The following ABHD12B variants were observed in gnomAD, a reference collection of about 807,000 sequenced individuals.
The protein encoded by ABHD12B is abhydrolase domain containing 12B, also known as protein ABHD12B.
A neutral mutation model predicts 50.4 loss-of-function variants in ABHD12B; 42 were observed. The observed-to-expected ratio is 0.83, with a 90% CI of 0.65 to 1.08. ABHD12B has a LOEUF of 1.08. Ranked by LOEUF, ABHD12B falls within the 50% of genes least tolerant of loss-of-function variation. The pLI is 0.00. For missense variants in ABHD12B, 479 were observed against 447.7 expected, an observed-to-expected ratio of 1.07 and a Z score of -0.63; for synonymous variants, 167 against 160.3, an observed-to-expected ratio of 1.04 and a Z score of -0.32.
chr14:50,878,623 T>G, intron 2 of ABHD12B, 122 bp from the exon 3 acceptor site: 3 of 745,538 alleles, frequency 4.0e-6, no homozygotes, highest in Non-Finnish European at 6.6e-6. Context: ...CTGCTAGGAG[T>G]TTAGTGTAGT....
intron 11 of ABHD12B, among the ~76,000 whole-genome samples, chr14:50,903,821 A>G (rs17123107): frequency 0.21 from 32,035 of 152,062 alleles, 3,843 homozygotes; most frequent in East Asian, 0.46. Context: ...TGGGTCCATA[A>G]CAATTCCTTG....
rs1399587707 is a variant in ABHD12B, at chr14:50,885,508, T to C, written c.487-106T>C. ...TACTAATGAACAAGTTAAAATTACCTTTGAAAGAGCCCTCCTTGTGATGTG... is the reference window on the plus strand; with the variant it reads ...TACTAATGAACAAGTTAAAATTACCCTTGAAAGAGCCCTCCTTGTGATGTG... On this transcript the variant is annotated intron_variant, in intron 5 of 12. Transcript: ENST00000337334. 3.0e-6 allele frequency: 4 copies of C among 1,326,570 alleles called. No individual in the cohort carries two copies. In the Admixed American group the frequency reaches 7.4e-5, roughly 24 times the overall value. The allele number at this position is 1,326,570 out of a possible 1,614,324, so 82.2% of individuals were successfully genotyped here.
chr14:50,879,757 C>G (rs1412153347), intron 3 of ABHD12B, among the ~76,000 whole-genome samples: 1 of 152,202 alleles, frequency 6.6e-6, no homozygotes, highest in Non-Finnish European at 1.5e-5. Context: ...GCTATCTCAT[C>G]AAGATCAGCT....
At position 50,882,341 on chromosome 14, in the gene ABHD12B, A is replaced by G. The variant is rs375863889; in HGVS notation, c.486+715A>G. Among the ~76,000 whole-genome samples the G allele has an allele frequency of 2.1e-4, 29 of 136,598 alleles. No homozygotes were observed. The East Asian group carries it at 6.6e-3, about 31-fold the overall frequency. The allele number at this position is 136,598 out of a possible 152,430, so 89.6% of individuals were successfully genotyped here. A position where few individuals can be genotyped will look rare whatever the true frequency, so the allele number is the denominator to read the frequency against. On this transcript the variant is annotated intron_variant, in intron 5 of 12. Transcript: ENST00000337334. Reference sequence around the variant, plus strand: ...AAAAGAATCAACCTTTTTAATTTCTAGTGGTTATAGGCTAAAGACACAGAA... The same window carrying G: ...AAAAGAATCAACCTTTTTAATTTCTGGTGGTTATAGGCTAAAGACACAGAA...
At chr14:50,882,427 AGTGCAGTGGTGCTATCTCGGCTCACTG>A (rs1297503872) in intron 5 of ABHD12B, among the ~76,000 whole-genome samples, 29 of 111,916 alleles carry the variant, frequency 2.6e-4, no homozygotes, top group African/African-American at 8.9e-4. Context: ...CCCAGGCTGG[AGTGCAGTGGTGCTATCTCGGCTCACTG>A]CAAACTCCGC....
rs140167439 is a variant in ABHD12B, at chr14:50,901,866, T to C, written c.818T>C (p.Met273Thr). 1,315 of 1,594,728 alleles carry C rather than the reference T, an allele frequency of 8.2e-4. 1 individual carries two copies. Among genetic ancestry groups the C allele is most frequent in the Non-Finnish European group, 1.1e-3 (1,258 of 1,174,958 alleles). Residue 273 changes from methionine (M) to threonine (T), a missense_variant, in exon 10 of 13, where the codon ATG becomes ACG. Coordinates refer to ENST00000337334, the MANE Select transcript of ABHD12B (RefSeq NM_001206673.2). ...ATTCCAGGATTTTTACGTACACTTATGGATGCCCTGAGAAAAGACAAAATA... is the reference window on the plus strand; with the variant it reads ...ATTCCAGGATTTTTACGTACACTTACGGATGCCCTGAGAAAAGACAAAATA... ...RNIPGFLRTL[M>T]DALRKDKIIF...
chr14:50,892,590 T>G, intron 9 of ABHD12B: 1 of 985,350 alleles, frequency 1.0e-6, no homozygotes, highest in Non-Finnish European at 1.2e-6. Context: ...GTCAGTCTTT[T>G]CAAAGAACCA....
intron 8 of ABHD12B, among the ~76,000 whole-genome samples, chr14:50,888,415 G>A (rs1385297864): frequency 6.6e-6 from 1 of 152,060 alleles, no homozygotes; most frequent in East Asian, 1.9e-4. Flanking sequence ...TGTTGGCCAG[G>A]ATGGTCTCCA....
chr14:50,894,582 C>A (rs192491676), intron 9 of ABHD12B, among the ~76,000 whole-genome samples: 3 of 152,010 alleles, frequency 2.0e-5, no homozygotes, highest in Non-Finnish European at 4.4e-5. Flanking sequence ...CAATACAAAC[C>A]GACAGTAGTT....
chr14:50,878,764 G>A lies in ABHD12B; in HGVS notation c.252G>A (p.Val84=). The A allele has an allele frequency of 6.2e-7, 1 of 1,613,784 alleles. No homozygotes were observed. Among genetic ancestry groups the A allele is most frequent in the South Asian group, 1.1e-5 (1 of 91,086 alleles). The change falls in exon 3 of 13, where the codon GTG becomes GTA. Residue 84 remains valine, a synonymous_variant. Coordinates refer to ENST00000337334, the MANE Select transcript of ABHD12B (RefSeq NM_001206673.2). ...TTCCAGTCAAAGCCCCATTTCTTGT[G>A]GATTTAAAGAAACCAGAGTTAAAGA... ...YFNFFKAPFL[V]DLKKPELKIP... is the part of the protein sequence containing the mutation.
chr14:50,880,107 A>C (rs1283438003), intron 3 of ABHD12B, among the ~76,000 whole-genome samples: 1 of 152,192 alleles, frequency 6.6e-6, no homozygotes, highest in East Asian at 1.9e-4. Context: ...GCAGATGGTA[A>C]ACATCTATTA....
intron 9 of ABHD12B, among the ~76,000 whole-genome samples, chr14:50,899,884 T>C (rs1034078856): frequency 1.4e-5 from 2 of 148,048 alleles, no homozygotes; most frequent in African/African-American, 5.0e-5. Flanking sequence ...ATTGCACCAC[T>C]GCACTCCAGC....
At chr14:50,880,427 TG>T in intron 3 of ABHD12B, 24 bp from the exon 4 acceptor site, 1 of 1,571,032 alleles carries the variant, frequency 6.4e-7, no homozygotes, top group Non-Finnish European at 8.6e-7. Context: ...TTTCTACATT[TG>T]TTTAAACCTC....
chr14:50,885,399 T>C (rs1465131992), intron 5 of ABHD12B, among the ~76,000 whole-genome samples: 1 of 152,208 alleles, frequency 6.6e-6, no homozygotes, highest in Non-Finnish European at 1.5e-5. Context: ...TCAGAGTTTC[T>C]GACAGTGCAA....
intron 9 of ABHD12B, chr14:50,895,517 C>T (rs1254647918): frequency 6.6e-6 from 1 of 152,206 alleles, no homozygotes; most frequent in Non-Finnish European, 1.5e-5. Flanking sequence ...CGCGTCCCAT[C>T]TCTCTGGGAC....
intron 1 of ABHD12B, among the ~76,000 whole-genome samples, chr14:50,875,974 G>A (rs994951170): frequency 6.6e-6 from 1 of 152,198 alleles, no homozygotes; most frequent in Non-Finnish European, 1.5e-5. Flanking sequence ...GTGAGTGAGG[G>A]GAGCTTAGAA....
rs1595993571 is a variant in ABHD12B, at chr14:50,872,083, G to C, written c.-92G>C. 2 of 974,190 alleles carry C rather than the reference G, an allele frequency of 2.1e-6. No individual in the cohort carries two copies. Among genetic ancestry groups the C allele is most frequent in the East Asian group, 3.9e-5 (1 of 25,870 alleles). 60.3% of individuals were successfully genotyped at this position (974,190 alleles called of 1,614,324 possible). On this transcript the variant is annotated 5_prime_UTR_variant, in exon 1 of 13. Transcript: ENST00000337334. The stretch of plus-strand genomic sequence containing the variant: ...GCCTGACCGCGCGGAGGAGGAGGGC[G>C]GGCGCGGTGCCGCCGGGGCGGGAAG...
In ABHD12B at chr14:50,903,385, C is replaced by T; in HGVS notation, c.864-4C>T. On this transcript the variant is annotated splice_region_variant and splice_polypyrimidine_tract_variant and intron_variant, in intron 10 of 12. Coordinates refer to ENST00000337334, the MANE Select transcript of ABHD12B (RefSeq NM_001206673.2). ...CTGAATGCTTTTCTTCTACTTGTCCCTAGTGTTAAATTCCTTTCTTCTCCT... is the reference window on the plus strand; with the variant it reads ...CTGAATGCTTTTCTTCTACTTGTCCTTAGTGTTAAATTCCTTTCTTCTCCT... The T allele has an allele frequency of 6.2e-7, 1 of 1,606,766 alleles. No individual in the cohort carries two copies. The highest frequency in any genetic ancestry group is 1.1e-5 in the South Asian group (1 of 90,720).
intron 5 of ABHD12B, among the ~76,000 whole-genome samples, chr14:50,881,941 C>T (rs139689647): frequency 8.6e-6 from 1 of 116,750 alleles, no homozygotes; most frequent in South Asian, 2.5e-4. Context: ...TTTTTGTTGT[C>T]GTTGTTGTGG....
Sources: allele counts gnomAD v4.1 joint callset (sites outside exome capture counted in the v4.1 genomes callset), GRCh38; gene constraint gnomAD v4.1.1; transcripts MANE v1.5; gene names NCBI Gene and HGNC (gene_info 2026-07-23, HGNC 2026-07-21).